The following TIAM1 variants were observed in gnomAD, a reference collection of about 807,000 sequenced individuals.
TIAM1 encodes TIAM Rac1 associated GEF 1, also known as rho guanine nucleotide exchange factor TIAM1.
A neutral mutation model predicts 163.5 loss-of-function variants in TIAM1; 65 were observed. That is an observed-to-expected ratio of 0.40 (90% CI 0.33 to 0.49). TIAM1 has a LOEUF of 0.49. Ranked by LOEUF, TIAM1 falls within the 20% of genes least tolerant of loss-of-function variation. TIAM1 has a pLI of 0.77. For missense variants in TIAM1, 1,789 were observed against 2,044.7 expected (o/e 0.87, Z 2.41); for synonymous variants, 833 against 810.1 (o/e 1.03, Z -0.48).
chr21:31,292,819 C>T (rs2146922512), intron 2 of TIAM1, among the ~76,000 whole-genome samples: 1 of 152,144 alleles, frequency 6.6e-6, no homozygotes, highest in African/African-American at 2.4e-5. Context: ...CAGGTGCGCA[C>T]CACCACGCCT....
chr21:31,394,655 C>A (rs1407485444), intron 2 of TIAM1, among the ~76,000 whole-genome samples: 1 of 149,992 alleles, frequency 6.7e-6, no homozygotes, highest in African/African-American at 2.4e-5. Flanking sequence ...GGCTGGCAAC[C>A]TAAAACTCCT....
At chr21:31,174,169 C>T (rs576848840) in intron 15 of TIAM1, among the ~76,000 whole-genome samples, 7 of 152,330 alleles carry the variant, frequency 4.6e-5, no homozygotes, top group African/African-American at 7.2e-5. Context: ...TGACTGTCTT[C>T]GGTTTTCAGA....
intron 1 of TIAM1, among the ~76,000 whole-genome samples, chr21:31,549,470 T>G (rs1450912789): frequency 7.3e-5 from 8 of 110,068 alleles, no homozygotes; most frequent in Admixed American, 6.2e-4. Flanking sequence ...TACAACTTAT[T>G]AATAAAAAAA....
chr21:31,409,378 G>A (rs1196838120), intron 2 of TIAM1, among the ~76,000 whole-genome samples: 1 of 152,030 alleles, frequency 6.6e-6, no homozygotes, highest in African/African-American at 2.4e-5. Context: ...AAAGTGTCGG[G>A]ATTACAGGCG....
intron 1 of TIAM1, among the ~76,000 whole-genome samples, chr21:31,521,823 G>C (rs1188200298): frequency 6.6e-6 from 1 of 151,800 alleles, no homozygotes; most frequent in African/African-American, 2.4e-5. Context: ...TTGTTTGTTA[G>C]AGTATCACTC....
chr21:31,182,808 G>A (rs1294298325), intron 14 of TIAM1, among the ~76,000 whole-genome samples, 163 bp from the exon 15 acceptor site: 1 of 152,200 alleles, frequency 6.6e-6, no homozygotes, highest in African/African-American at 2.4e-5. Flanking sequence ...AGAGGACAGG[G>A]GCCTCAGGTT....
intron 2 of TIAM1, among the ~76,000 whole-genome samples, chr21:31,415,770 G>A (rs2043351277): frequency 6.6e-6 from 1 of 152,138 alleles, no homozygotes; most frequent in South Asian, 2.1e-4. Context: ...GAACGTTTGA[G>A]CTCCTGGGTG....
intron 15 of TIAM1, 150 bp downstream of exon 15, chr21:31,182,271 C>A: frequency 1.7e-6 from 1 of 579,738 alleles, no homozygotes; most frequent in East Asian, 3.3e-5. Context: ...ACAGGAAATG[C>A]AGGGCCAGTC....
chr21:31,243,062 C>T (rs2071283197), intron 6 of TIAM1, among the ~76,000 whole-genome samples: 1 of 149,580 alleles, frequency 6.7e-6, no homozygotes, highest in African/African-American at 2.4e-5. Context: ...CTTGGTGGCA[C>T]ATGCCTGTAA....
At chr21:31,340,132 T>C (rs1040551683) in intron 1 of TIAM1, among the ~76,000 whole-genome samples, 2 of 151,584 alleles carry the variant, frequency 1.3e-5, no homozygotes, top group Non-Finnish European at 2.9e-5. Context: ...AAATGAAGCC[T>C]TTTCCCAGCT....
At chr21:31,517,758 A>C (rs1049774304) in intron 1 of TIAM1, among the ~76,000 whole-genome samples, 1 of 152,216 alleles carries the variant, frequency 6.6e-6, no homozygotes, top group African/African-American at 2.4e-5. Context: ...AAAACCATGC[A>C]AAAGATGTCC....
chr21:31,145,785 G>A (rs8129409), intron 20 of TIAM1, among the ~76,000 whole-genome samples: 13,156 of 149,356 alleles, frequency 0.088, 602 homozygotes, highest in Non-Finnish European at 0.1. Flanking sequence ...AAAGGTATAC[G>A]GTAAGTCCTC....
chr21:31,209,339 C>CA (rs2086610504), intron 11 of TIAM1, among the ~76,000 whole-genome samples: 2 of 152,240 alleles, frequency 1.3e-5, no homozygotes, highest in South Asian at 4.1e-4. Context: ...TCTCTCCCCT[C>CA]ACTCAAGACC....
At chr21:31,321,691 A>G (rs2075319804) in intron 2 of TIAM1, among the ~76,000 whole-genome samples, 1 of 152,184 alleles carries the variant, frequency 6.6e-6, no homozygotes. Context: ...GAATTTTAAA[A>G]GCAAGTAAAA....
chr21:31,419,180 G>C (rs1343359678), intron 2 of TIAM1, among the ~76,000 whole-genome samples: 1 of 152,200 alleles, frequency 6.6e-6, no homozygotes, highest in Non-Finnish European at 1.5e-5. Flanking sequence ...AGAGCACTCA[G>C]CACAAGGATG....
chr21:31,516,174 G>A (rs974228369), intron 1 of TIAM1, among the ~76,000 whole-genome samples: 10 of 151,472 alleles, frequency 6.6e-5, no homozygotes, highest in Non-Finnish European at 1.3e-4. Context: ...CACTCTGAGA[G>A]GCCAAGGCAG....
At chr21:31,409,497 T>TC (rs1410091803) in intron 2 of TIAM1, among the ~76,000 whole-genome samples, 1 of 152,120 alleles carries the variant, frequency 6.6e-6, no homozygotes, top group African/African-American at 2.4e-5. Context: ...CCCACATCTC[T>TC]CTAGGTTGAG....
intron 2 of TIAM1, among the ~76,000 whole-genome samples, chr21:31,391,625 A>G (rs1358427330): frequency 1.3e-5 from 2 of 151,652 alleles, no homozygotes; most frequent in Admixed American, 6.6e-5. Context: ...ACTCTGTCTT[A>G]AAAAAAACAA....
chr21:31,514,313 T>C lies in TIAM1; in HGVS notation c.-422+44614A>G, dbSNP rs551008489. ...GTTTAATGAGAGAATTTACAAATTC[T>C]AGGTTCTTCCTTCTAGGGTTCTAAA... On this transcript the variant is annotated intron_variant, in intron 1 of 28. Transcript: ENST00000286827. Among the ~76,000 whole-genome samples the C allele has an allele frequency of 1.5e-3, 222 of 152,280 alleles. 2 individuals carry two copies. The highest frequency in any genetic ancestry group is 5.1e-3 in the African/African-American group (212 of 41,550).
Sources: gnomAD v4.1 joint callset for allele counts (sites outside exome capture counted in the v4.1 genomes callset) on GRCh38, gnomAD v4.1.1 for gene constraint, MANE v1.5 for transcripts, NCBI Gene and HGNC (gene_info 2026-07-23, HGNC 2026-07-21) for gene names.